ERBB4: variants seen among roughly 807,000 people sequenced by gnomAD.
The protein encoded by ERBB4 is receptor tyrosine-protein kinase erbB-4.
Under a neutral mutation model 158.0 loss-of-function variants are expected in ERBB4, and 42 were observed. That is an observed-to-expected ratio of 0.27 (90% CI 0.21 to 0.34). ERBB4 has a LOEUF of 0.34. Ranked by LOEUF, ERBB4 falls within the 10% of genes least tolerant of loss-of-function variation. The pLI is 1.00. For missense variants in ERBB4, 1,333 were observed against 1,624.1 expected (o/e 0.82, Z 3.08); for synonymous variants, 583 against 558.7 (o/e 1.04, Z -0.61).
intron 1 of ERBB4, among the ~76,000 whole-genome samples, chr2:212,190,630 G>C (rs1158685521): frequency 6.6e-6 from 1 of 151,992 alleles, no homozygotes; most frequent in African/African-American, 2.4e-5. Context: ...ACCACCATCG[G>C]TTCCTTTGCA....
At chr2:211,690,458 A>C (rs1053459688) in intron 12 of ERBB4, among the ~76,000 whole-genome samples, 2 of 152,098 alleles carry the variant, frequency 1.3e-5, no homozygotes, top group East Asian at 3.9e-4. Context: ...CGGCTGTCTA[A>C]TGCCTCCCTA....
chr2:212,055,829 A>G (rs80143920), intron 2 of ERBB4, among the ~76,000 whole-genome samples: 19,717 of 152,292 alleles, frequency 0.13, 1,784 homozygotes, highest in African/African-American at 0.25. Context: ...AGATGGGGAA[A>G]AAACAGAGGA....
intron 4 of ERBB4, among the ~76,000 whole-genome samples, chr2:211,753,757 T>C (rs1397303943): frequency 2.0e-5 from 3 of 148,288 alleles, no homozygotes; most frequent in Non-Finnish European, 4.5e-5. Context: ...ATTTAATATA[T>C]ATATATTATA....
chr2:211,916,023 T>C (rs2079679702), intron 3 of ERBB4, among the ~76,000 whole-genome samples: 1 of 151,976 alleles, frequency 6.6e-6, no homozygotes, highest in South Asian at 2.1e-4. Flanking sequence ...TTTGATTCTA[T>C]GATTCTATGT....
chr2:212,465,788 A>G (rs564351412), intron 1 of ERBB4, among the ~76,000 whole-genome samples: 51 of 152,338 alleles, frequency 3.3e-4, no homozygotes, highest in African/African-American at 1.1e-3. Context: ...ATTGACATAC[A>G]TCCATTTTAT....
chr2:211,794,645 T>G (rs191170825), intron 3 of ERBB4, among the ~76,000 whole-genome samples: 1 of 152,082 alleles, frequency 6.6e-6, no homozygotes, highest in East Asian at 1.9e-4. Context: ...ATACATTTAT[T>G]TTGATCTTAA....
intron 2 of ERBB4, among the ~76,000 whole-genome samples, chr2:211,951,288 G>A (rs532067746): frequency 3.3e-5 from 5 of 152,206 alleles, no homozygotes; most frequent in Admixed American, 2.0e-4. Flanking sequence ...AAAAGAAGAA[G>A]TTTATTTGTA....
intron 2 of ERBB4, among the ~76,000 whole-genome samples, chr2:212,009,746 T>C (rs904967935): frequency 8.5e-5 from 13 of 152,164 alleles, no homozygotes; most frequent in African/African-American, 2.9e-4. Context: ...TTTCATTATA[T>C]AAATAAAAAT....
At chr2:212,537,489 G>C (rs1030711977) in intron 1 of ERBB4, among the ~76,000 whole-genome samples, 1 of 152,038 alleles carries the variant, frequency 6.6e-6, no homozygotes, top group South Asian at 2.1e-4. Context: ...GCTGCCTCTC[G>C]GGGTCAATTA....
At position 211,713,656 on chromosome 2, in the gene ERBB4, A is replaced by T. The variant is rs1318358223; in HGVS notation, c.884-8T>A. On this transcript the variant is annotated splice_region_variant and splice_polypyrimidine_tract_variant and intron_variant, in intron 7 of 27. Transcript: ENST00000342788. ...AATCTACCACAAAGTTATCTGATTA[A>T]AAAAAAAAAAAAGGTAAAATAAGCA... 4 of 814,812 alleles carry T rather than the reference A, an allele frequency of 4.9e-6. No homozygotes were observed. The highest frequency in any genetic ancestry group is 6.7e-6 in the Non-Finnish European group (4 of 594,262). The allele number at this position is 814,812 out of a possible 1,614,324, so 50.5% of individuals were successfully genotyped here.
intron 2 of ERBB4, among the ~76,000 whole-genome samples, chr2:212,015,638 A>T (rs988322063): frequency 1.3e-5 from 2 of 151,902 alleles, no homozygotes; most frequent in South Asian, 4.1e-4. Flanking sequence ...TTCTGTTTCC[A>T]CCCCCTACCC....
At chr2:211,445,681 T>C (rs2064094015) in intron 20 of ERBB4, among the ~76,000 whole-genome samples, 2 of 152,060 alleles carry the variant, frequency 1.3e-5, no homozygotes, top group African/African-American at 4.8e-5. Context: ...AGTCACTAGA[T>C]TGCAGTGGAC....
At chr2:212,048,943 G>A (rs1220458639) in intron 2 of ERBB4, among the ~76,000 whole-genome samples, 1 of 152,168 alleles carries the variant, frequency 6.6e-6, no homozygotes, top group African/African-American at 2.4e-5. Flanking sequence ...AACCAGTTGG[G>A]TTGGAAGAGA....
chr2:212,050,412 C>T (rs1214249959), intron 2 of ERBB4, among the ~76,000 whole-genome samples: 1 of 152,126 alleles, frequency 6.6e-6, no homozygotes, highest in African/African-American at 2.4e-5. Context: ...TTTGCAGATA[C>T]ATAAAGTGAT....
intron 15 of ERBB4, among the ~76,000 whole-genome samples, chr2:211,658,890 C>T (rs35551076): frequency 0.078 from 11,849 of 152,088 alleles, 600 homozygotes; most frequent in East Asian, 0.23. Flanking sequence ...CCAATATACT[C>T]GAACTCTTTA....
intron 2 of ERBB4, among the ~76,000 whole-genome samples, chr2:212,088,673 A>G (rs1188579195): frequency 1.3e-5 from 2 of 152,140 alleles, no homozygotes; most frequent in Non-Finnish European, 2.9e-5. Flanking sequence ...GAAAGCTACA[A>G]ATATGGTGGT....
chr2:211,619,090 T>C, intron 19 of ERBB4, 87 bp downstream of exon 19: 1 of 787,612 alleles, frequency 1.3e-6, no homozygotes, highest in Non-Finnish European at 2.3e-6. Flanking sequence ...TTGTAAGTTG[T>C]GGAGTTTGGT....
intron 1 of ERBB4, among the ~76,000 whole-genome samples, chr2:212,133,394 G>T (rs2080165456): frequency 7.0e-6 from 1 of 141,924 alleles, no homozygotes. Flanking sequence ...TTTCATTTTG[G>T]TGTTTTTTTT....
chr2:211,974,419 T>C (rs2081546394), intron 2 of ERBB4, among the ~76,000 whole-genome samples: 1 of 152,058 alleles, frequency 6.6e-6, no homozygotes, highest in South Asian at 2.1e-4. Flanking sequence ...GAAAAGAGCA[T>C]GGTGGAATAA....
Sources: allele counts gnomAD v4.1 joint callset (sites outside exome capture counted in the v4.1 genomes callset), GRCh38; gene constraint gnomAD v4.1.1; transcripts MANE v1.5; gene names NCBI Gene and HGNC (gene_info 2026-07-23, HGNC 2026-07-21).